NCKAP5: variants seen among roughly 807,000 people sequenced by gnomAD.
NCKAP5 encodes nck-associated protein 5.
NCKAP5 carries 92 observed loss-of-function variants against 167.0 expected under a neutral mutation model. The ratio of observed to expected loss-of-function variants is 0.55; its 90% CI spans 0.47 to 0.66. The LOEUF (loss-of-function observed/expected upper bound fraction) is 0.66, where lower values mean the gene tolerates loss of function less well. Ranked by LOEUF, NCKAP5 falls within the 30% of genes least tolerant of loss-of-function variation. The pLI is 0.00. For synonymous variants in NCKAP5, 891 were observed against 877.4 expected, an observed-to-expected ratio of 1.02 and a Z score of -0.27; for missense variants, 2,378 against 2,315.0, an observed-to-expected ratio of 1.03 and a Z score of -0.56.
chr2:133,663,992 C>A, the NCKAP5 span, among the ~76,000 whole-genome samples: 6 of 152,126 alleles, frequency 3.9e-5, no homozygotes, highest in African/African-American at 1.4e-4. Context: ...AATTGTATTT[C>A]TTAAATAATA....
intron 5 of NCKAP5, among the ~76,000 whole-genome samples, chr2:133,155,719 A>G (rs1393221582): frequency 1.3e-5 from 2 of 152,210 alleles, no homozygotes; most frequent in African/African-American, 4.8e-5. Flanking sequence ...GCCTCAACCA[A>G]TCAACTGAAT....
intron 5 of NCKAP5, among the ~76,000 whole-genome samples, chr2:133,187,147 TTG>T (rs1456680190): frequency 6.6e-6 from 1 of 152,080 alleles, no homozygotes; most frequent in African/African-American, 2.4e-5. Flanking sequence ...TTTTCATAAG[TTG>T]TGTCTCTATT....
intron 6 of NCKAP5, among the ~76,000 whole-genome samples, chr2:133,068,011 GAGTGTCTCTTC>G (rs1415127260): frequency 2.0e-5 from 3 of 152,258 alleles, no homozygotes; most frequent in Admixed American, 6.5e-5. Context: ...ACTTGGACAA[GAGTGTCTCTTC>G]ACCTGATGGC....
Position 132,756,602 on chromosome 2 carries a change from T to A in NCKAP5, c.5128+17214A>T, listed in dbSNP as rs888473890. Among the ~76,000 whole-genome samples, 12 of 152,124 alleles carry A rather than the reference T, an allele frequency of 7.9e-5. No individual in the cohort carries two copies. The South Asian group carries it at 2.5e-3, about 32-fold the overall frequency. On this transcript the variant is annotated intron_variant, in intron 16 of 19. Transcript: ENST00000409261. Reference sequence around the variant, plus strand: ...CAATTAAAACCCAGAAAATAAGTTCTTTTAAAAAAAAATTTAGGTTGTATA... The same window carrying A: ...CAATTAAAACCCAGAAAATAAGTTCATTTAAAAAAAAATTTAGGTTGTATA...
At chr2:132,823,239 C>T (rs926582055) in intron 11 of NCKAP5, among the ~76,000 whole-genome samples, 1 of 152,136 alleles carries the variant, frequency 6.6e-6, no homozygotes, top group Non-Finnish European at 1.5e-5. Flanking sequence ...ATCACCTAGG[C>T]ACATAGTCAT....
At chr2:133,556,559 T>C (rs1347521311) in intron 2 of NCKAP5, among the ~76,000 whole-genome samples, 2 of 152,274 alleles carry the variant, frequency 1.3e-5, no homozygotes, top group Admixed American at 6.5e-5. Flanking sequence ...TCAGTGTAGA[T>C]TGTACACTAA....
chr2:133,040,215 A>T (rs1163733578), intron 6 of NCKAP5, among the ~76,000 whole-genome samples: 3 of 152,090 alleles, frequency 2.0e-5, no homozygotes, highest in African/African-American at 7.2e-5. Flanking sequence ...GCTAATCTCC[A>T]GCCTGTAACT....
chr2:133,147,337 T>C (rs1022955411), intron 5 of NCKAP5, among the ~76,000 whole-genome samples: 8 of 152,198 alleles, frequency 5.3e-5, no homozygotes, highest in Non-Finnish European at 1.2e-4. Context: ...GCTAATGTTC[T>C]CTGGACTTCA....
At chr2:132,696,082 T>C (rs951887409) in intron 19 of NCKAP5, among the ~76,000 whole-genome samples, 19 of 152,226 alleles carry the variant, frequency 1.2e-4, no homozygotes, top group African/African-American at 4.3e-4. Flanking sequence ...ATAAATGTGA[T>C]GGTGCATATA....
intron 3 of NCKAP5, among the ~76,000 whole-genome samples, chr2:133,432,398 G>A (rs181612161): frequency 6.6e-4 from 101 of 152,230 alleles, no homozygotes; most frequent in African/African-American, 2.3e-3. Context: ...TGCATTTCCC[G>A]TCTCCTGGTA....
At chr2:133,227,856 A>G (rs2086964568) in intron 4 of NCKAP5, among the ~76,000 whole-genome samples, 1 of 152,204 alleles carries the variant, frequency 6.6e-6, no homozygotes, top group Non-Finnish European at 1.5e-5. Context: ...AGGTACAATA[A>G]GAAAGGGGAG....
chr2:132,793,486 G>A (rs537917405), intron 12 of NCKAP5, among the ~76,000 whole-genome samples: 1 of 152,208 alleles, frequency 6.6e-6, no homozygotes, highest in South Asian at 2.1e-4. Flanking sequence ...ATTCTGATTC[G>A]GTAATTCTGA....
chr2:132,844,043 C>G (rs188657798), intron 11 of NCKAP5, among the ~76,000 whole-genome samples: 6,781 of 152,052 alleles, frequency 0.045, 177 homozygotes, highest in East Asian at 0.095. Context: ...CCCTTCTCCT[C>G]CACTCCTCCC....
At chr2:133,096,362 G>A (rs1011594815) in intron 6 of NCKAP5, among the ~76,000 whole-genome samples, 8 of 151,864 alleles carry the variant, frequency 5.3e-5, no homozygotes, top group African/African-American at 1.5e-4. Context: ...GTGGTGGTGC[G>A]CCTGTGTCCC....
intron 6 of NCKAP5, among the ~76,000 whole-genome samples, chr2:133,004,438 G>T (rs2077890686): frequency 1.3e-5 from 2 of 152,142 alleles, no homozygotes; most frequent in Non-Finnish European, 2.9e-5. Flanking sequence ...TTTTACAGCT[G>T]GGCCTCTGGG....
chr2:133,419,726 T>C (rs1689351442), intron 3 of NCKAP5, among the ~76,000 whole-genome samples: 2 of 152,220 alleles, frequency 1.3e-5, no homozygotes, highest in African/African-American at 4.8e-5. Flanking sequence ...CATTTAATTT[T>C]GCAAACCCTT....
chr2:133,567,799 G>C (rs946491462), intron 1 of NCKAP5, among the ~76,000 whole-genome samples: 2 of 151,988 alleles, frequency 1.3e-5, no homozygotes, highest in Non-Finnish European at 1.5e-5. Flanking sequence ...GAGACAAAAA[G>C]TGGGTTCTCC....
At chr2:133,198,370 A>G (rs1220077888) in intron 5 of NCKAP5, among the ~76,000 whole-genome samples, 3 of 152,128 alleles carry the variant, frequency 2.0e-5, no homozygotes, top group Non-Finnish European at 2.9e-5. Context: ...CAGGAAACCA[A>G]AGAAAAAAAT....
At position 132,784,006 on chromosome 2, in the gene NCKAP5, C is replaced by T. The variant is rs749784294; in HGVS notation, c.2805G>A (p.Arg935=). ...TGGGCCTGGCCAGCAGGGAGACGGA[C>T]CTGCCTGGAGGGGGCGGAGGGGAAG... ...KSPSPPPPPG[R]SVSLLARPSY... is the part of the protein sequence containing the mutation. The change falls in exon 14 of 20, where the codon AGG becomes AGA. Residue 935 remains arginine, a synonymous_variant. Transcript: ENST00000409261. The T allele has an allele frequency of 5.0e-6, 8 of 1,586,116 alleles. No individual in the cohort carries two copies. Among genetic ancestry groups the T allele is most frequent in the Non-Finnish European group, 6.8e-6 (8 of 1,168,596 alleles).
Sources: allele counts gnomAD v4.1 joint callset (sites outside exome capture counted in the v4.1 genomes callset), GRCh38; gene constraint gnomAD v4.1.1; transcripts MANE v1.5; gene names NCBI Gene and HGNC (gene_info 2026-07-23, HGNC 2026-07-21).